Variants in VWA5B2 observed in about 807,000 individuals in gnomAD.
The protein encoded by VWA5B2 is von Willebrand factor A domain containing 5B2, also known as von Willebrand factor A domain-containing protein 5B2.
Under a neutral mutation model 118.5 loss-of-function variants are expected in VWA5B2, and 93 were observed. That is an observed-to-expected ratio of 0.79 (90% CI 0.66 to 0.93). The LOEUF (loss-of-function observed/expected upper bound fraction) is 0.93, where lower values mean the gene tolerates loss of function less well. Ranked by LOEUF, VWA5B2 falls within the 40% of genes least tolerant of loss-of-function variation. The pLI, the probability that VWA5B2 is intolerant of heterozygous loss-of-function variation, is 0.00. For missense variants in VWA5B2, 1,546 were observed against 1,672.8 expected (o/e 0.92, Z 1.32); for synonymous variants, 708 against 716.3 (o/e 0.99, Z 0.19).
At chr3:184,234,799 T>C in intron 7 of VWA5B2, 44 bp downstream of exon 7, 1 of 1,549,806 alleles carries the variant, frequency 6.5e-7, no homozygotes, top group Non-Finnish European at 8.7e-7. Context: ...CTTGGCTGCA[T>C]TTGTGCACAA....
rs1261363154 is a variant in VWA5B2 at position 184,238,384 on chromosome 3, A to G, written c.1801A>G (p.Thr601Ala). 1 of 1,550,572 alleles carries G rather than the reference A, an allele frequency of 6.4e-7. No individual in the cohort carries two copies. The highest frequency in any genetic ancestry group is 2.0e-5 in the Admixed American group (1 of 50,970). ...GGCCCCGTCTGCTGCCAGCCCTGGCACTGAGCCCACTGGCACCTCAGAGCC... is the reference window on the plus strand; with the variant it reads ...GGCCCCGTCTGCTGCCAGCCCTGGCGCTGAGCCCACTGGCACCTCAGAGCC... ...EEAPSAASPG[T>A]EPTGTSEPLG... The change falls in exon 13 of 20, where the codon ACT becomes GCT. Residue 601 changes from threonine to alanine, a missense_variant. Thr to Ala is a moderately conservative substitution (Grantham distance 58, BLOSUM62 0). This residue lies in a region of VWA5B2 where 775 missense variants were observed against 882.3 expected (regional missense o/e 0.88). Coordinates refer to ENST00000691901, the MANE Select transcript of VWA5B2 (RefSeq NM_001390846.1). The surrounding 1 kb of genome is among the most constrained non-coding windows in gnomAD (Gnocchi z 5.0).
intron 16 of VWA5B2, chr3:184,240,469 GAAGA>G: frequency 2.3e-6 from 1 of 431,966 alleles, no homozygotes; most frequent in Non-Finnish European, 4.1e-6. Context: ...ATTGGATCAT[GAAGA>G]GAGAGAACAT....
Position 184,233,321 on chromosome 3 carries a change from C to G in VWA5B2, c.454C>G (p.Leu152Val), listed in dbSNP as rs1717587981. ...SRPDGVLHVALPTVLTPLAPP... is the reference protein window; with the variant it reads ...SRPDGVLHVAVPTVLTPLAPP... Reference sequence around the variant, plus strand: ...GCCTGACGGGGTGCTGCATGTGGCCCTGCCCACTGTGCTCACCCCGCTGGC... The same window carrying G: ...GCCTGACGGGGTGCTGCATGTGGCCGTGCCCACTGTGCTCACCCCGCTGGC... Residue 152 changes from leucine to valine, a missense_variant, in exon 4 of 20, where the codon CTG (leucine) becomes GTG (valine). Physicochemically the swap from Leu to Val is conservative, Grantham distance 32 (BLOSUM62 1). This residue lies in a region of VWA5B2 where 775 missense variants were observed against 882.3 expected (regional missense o/e 0.88). Transcript: ENST00000691901. This position sits in a 1 kb window ranked among gnomAD's most constrained non-coding sequence, Gnocchi z 5.2. The G allele has an allele frequency of 3.9e-6, 6 of 1,537,596 alleles. No homozygotes were observed. Among genetic ancestry groups the G allele is most frequent in the Non-Finnish European group, 5.3e-6 (6 of 1,140,858 alleles).
At position 184,239,157 on chromosome 3, in the gene VWA5B2, G is replaced by A. The variant is rs1346070158; in HGVS notation, c.2203-237G>A. 1.3e-5 allele frequency among the ~76,000 whole-genome samples: 2 copies of A among 152,288 alleles called. No individual in the cohort carries two copies. The highest frequency in any genetic ancestry group is 1.9e-4 in the East Asian group (1 of 5,174). On this transcript the variant is annotated intron_variant, in intron 14 of 19. Transcript: ENST00000691901. The surrounding 1 kb of genome is among the most constrained non-coding windows in gnomAD (Gnocchi z 5.1). ...ATGCAGAGAGGGAGAAGACATAAAC[G>A]AAAATACAGAGACAAGCAACAACCA...
Position 184,238,757 on chromosome 3 carries a change from G to A in VWA5B2, c.2086G>A (p.Glu696Lys), listed in dbSNP as rs573085436. 161 of 1,550,734 alleles carry A rather than the reference G, an allele frequency of 1.0e-4. No homozygotes were observed. In the African/African-American group the frequency reaches 1.4e-3, roughly 14 times the overall value. Reference sequence around the variant, plus strand: ...AGGCTCACAGGGCCCTGGCTCCCCCGAAGGTAGTGCTCCCTTGGAGCCCCC... The same window carrying A: ...AGGCTCACAGGGCCCTGGCTCCCCCAAAGGTAGTGCTCCCTTGGAGCCCCC... ...SPGSQGPGSP[E>K]GSAPLEPPSQ... The change falls in exon 14 of 20, where the codon GAA (glutamate) becomes AAA (lysine). Residue 696 changes from glutamate to lysine, a missense_variant. Physicochemically the swap from Glu to Lys is moderately conservative, Grantham distance 56 (BLOSUM62 1). This residue lies in a region of VWA5B2 where 763 missense variants were observed against 766.6 expected (regional missense o/e 1.00). Transcript: ENST00000691901. This position sits in a 1 kb window ranked among gnomAD's most constrained non-coding sequence, Gnocchi z 5.0.
chr3:184,237,806 T>C lies in VWA5B2; in HGVS notation c.1719+395T>C, dbSNP rs1577092072. 2.0e-5 allele frequency among the ~76,000 whole-genome samples: 3 copies of C among 152,298 alleles called. No individual in the cohort carries two copies. The highest frequency in any genetic ancestry group is 2.0e-4 in the Admixed American group (3 of 15,288). ...CACGCAGTGATGGATGAGCATAACC[T>C]AGGCACAATCTCTAATCCCAGCTCT... On this transcript the variant is annotated intron_variant, in intron 12 of 19. Transcript: ENST00000691901. The surrounding 1 kb of genome is among the most constrained non-coding windows in gnomAD (Gnocchi z 5.6).
In VWA5B2 at chr3:184,233,276, AG is replaced by A; in HGVS notation, c.410del (p.Ser137ThrfsTer86). 1 of 1,545,638 alleles carries A rather than the reference AG, an allele frequency of 6.5e-7. No homozygotes were observed. The highest frequency in any genetic ancestry group is 8.7e-7 in the Non-Finnish European group (1 of 1,144,396). ...AGTMTVTLHS[S>X]RELPSRPDGV... ...CACCATGACGGTGACCCTGCACAGC[AG>A]CCGGGAGCTGCCCTCAAGGCCTGAC... On this transcript the variant is annotated frameshift_variant, in exon 4 of 20. Transcript: ENST00000691901. LOFTEE classifies it high-confidence loss of function. The surrounding 1 kb of genome is among the most constrained non-coding windows in gnomAD (Gnocchi z 5.2).
rs556303413 is a variant in VWA5B2, at chr3:184,233,758, C to G, written c.688+25C>G. The stretch of plus-strand genomic sequence containing the variant: ...GGTGGGTGCATCTGGCTGGCCTGCC[C>G]TCTTTTCAGATGCCCACTCCACCCA... On this transcript the variant is annotated intron_variant, in intron 5 of 19. Coordinates refer to ENST00000691901, the MANE Select transcript of VWA5B2 (RefSeq NM_001390846.1). This position sits in a 1 kb window ranked among gnomAD's most constrained non-coding sequence, Gnocchi z 5.2. The G allele has an allele frequency of 2.6e-6, 4 of 1,547,816 alleles. No individual in the cohort carries two copies. The highest frequency in any genetic ancestry group is 2.0e-5 in the Admixed American group (1 of 50,808).
chr3:184,234,713 T>C lies in VWA5B2; in HGVS notation c.903T>C (p.Asp301=), dbSNP rs1316228260. 1 of 1,551,174 alleles carries C rather than the reference T, an allele frequency of 6.4e-7. No homozygotes were observed. The change falls in exon 7 of 20, where the codon GAT becomes GAC. Residue 301 remains aspartate, a synonymous_variant. Transcript: ENST00000691901. ...AGGCCCGGGTGAGGGCCCGCCGAGA[T>C]TTTCAGAGGCTACAGCGAAGGGACA... ...EYEARVRARR[D]FQRLQRRDSD... is the part of the protein sequence containing the mutation.
intron 11 of VWA5B2, 139 bp downstream of exon 11, chr3:184,236,888 G>A (rs369663894): frequency 7.9e-6 from 6 of 763,770 alleles, no homozygotes; most frequent in African/African-American, 7.0e-5. Flanking sequence ...CCAATCAGGG[G>A]AAGAGCTGTT....
rs995326792 is a variant in VWA5B2, at chr3:184,237,175, C to T, written c.1534-51C>T. 3 of 1,530,034 alleles carry T rather than the reference C, an allele frequency of 2.0e-6. No homozygotes were observed. Among genetic ancestry groups the T allele is most frequent in the Non-Finnish European group, 2.6e-6 (3 of 1,133,298 alleles). The allele number at this position is 1,530,034 out of a possible 1,614,324, so 94.8% of individuals were successfully genotyped here. A position where few individuals can be genotyped will look rare whatever the true frequency, so the allele number is the denominator to read the frequency against. ...GGGCAGCCTTCCTGCTCTGTCTGGCCGTATGACACCTCTTTCCTTCCCATG... is the reference window on the plus strand; with the variant it reads ...GGGCAGCCTTCCTGCTCTGTCTGGCTGTATGACACCTCTTTCCTTCCCATG... On this transcript the variant is annotated intron_variant, in intron 11 of 19. Coordinates refer to ENST00000691901, the MANE Select transcript of VWA5B2 (RefSeq NM_001390846.1). This position sits in a 1 kb window ranked among gnomAD's most constrained non-coding sequence, Gnocchi z 5.6.
In VWA5B2 at chr3:184,236,259, T is replaced by G; in HGVS notation, c.1209T>G (p.Ser403Arg). The part of the protein sequence containing the change: ...QPLFPESRPC[S>R]DDAVQLICES... The stretch of plus-strand genomic sequence containing the variant: ...TCTTCCCAGAGAGCCGGCCTTGCAG[T>G]GATGTGAGTGTGGTCCAGGGATCTG... The change falls in exon 9 of 20, where the codon AGT (serine) becomes AGG (arginine). Residue 403 changes from serine to arginine, a missense_variant. Transcript: ENST00000691901. 1 of 1,551,746 alleles carries G rather than the reference T, an allele frequency of 6.4e-7. No individual in the cohort carries two copies. The highest frequency in any genetic ancestry group is 8.7e-7 in the Non-Finnish European group (1 of 1,146,992).
Position 184,230,456 on chromosome 3 carries a change from C to A in VWA5B2, c.-73C>A. 1 of 1,369,998 alleles carries A rather than the reference C, an allele frequency of 7.3e-7. No homozygotes were observed. Among genetic ancestry groups the A allele is most frequent in the Admixed American group, 3.9e-5 (1 of 25,840 alleles). 84.9% of individuals were successfully genotyped at this position (1,369,998 alleles called of 1,614,324 possible). The stretch of plus-strand genomic sequence containing the variant: ...GAGACTCTCGCGCTGGCCTCTGGAG[C>A]GCGGGGTGGGCGTCCCGTCACCCTG... On this transcript the variant is annotated 5_prime_UTR_variant, in exon 2 of 20. Transcript: ENST00000691901.
Position 184,238,182 on chromosome 3 carries a change from A to G in VWA5B2, c.1720-121A>G. On this transcript the variant is annotated intron_variant, in intron 12 of 19. Transcript: ENST00000691901. This position sits in a 1 kb window ranked among gnomAD's most constrained non-coding sequence, Gnocchi z 5.0. ...CATGTCTGCTTCCTCCTTCTTTAGT[A>G]CTGGTCTTTTGTTTCTGGTTTATTA... The G allele has an allele frequency of 1.2e-6, 1 of 810,398 alleles. No homozygotes were observed. The highest frequency in any genetic ancestry group is 1.9e-6 in the Non-Finnish European group (1 of 530,690). The allele number at this position is 810,398 out of a possible 1,614,324, so 50.2% of individuals were successfully genotyped here. A position where few individuals can be genotyped will look rare whatever the true frequency, so the allele number is the denominator to read the frequency against.
rs569258091 is a variant in VWA5B2 at position 184,237,294 on chromosome 3, C to T, written c.1602C>T (p.Pro534=). 86 of 1,551,612 alleles carry T rather than the reference C, an allele frequency of 5.5e-5. No individual in the cohort carries two copies. The East Asian group carries it at 8.3e-4, about 15-fold the overall frequency. ...ACATCTCTGTGGACTGGTTTGTGCC[C>T]GACACTGTGGAGGCACTGCTGACCC... ...LSDISVDWFV[P]DTVEALLTPR... Residue 534 remains proline, a synonymous_variant, in exon 12 of 20, where the codon CCC becomes CCT. Coordinates refer to ENST00000691901, the MANE Select transcript of VWA5B2 (RefSeq NM_001390846.1). This position sits in a 1 kb window ranked among gnomAD's most constrained non-coding sequence, Gnocchi z 5.6.
rs1488320744 is a variant in VWA5B2, at chr3:184,241,282, C to T, written c.3058C>T (p.Pro1020Ser). 1.3e-6 allele frequency: 2 copies of T among 1,551,248 alleles called. No individual in the cohort carries two copies. The highest frequency in any genetic ancestry group is 8.7e-7 in the Non-Finnish European group (1 of 1,146,996). Reference protein sequence around the residue: ...LGDPATPTEGPRRPPPRPPCR... With the variant: ...LGDPATPTEGSRRPPPRPPCR... ...GGACCCTGCCACTCCCACGGAAGGT[C>T]CTCGCCGCCCACCTCCCCGTCCTCC... Residue 1020 changes from proline to serine, a missense_variant, in exon 19 of 20, where the codon CCT becomes TCT. Pro to Ser is a moderately conservative substitution (Grantham distance 74, BLOSUM62 -1). This residue lies in a region of VWA5B2 where 763 missense variants were observed against 766.6 expected (regional missense o/e 1.00). Coordinates refer to ENST00000691901, the MANE Select transcript of VWA5B2 (RefSeq NM_001390846.1). The surrounding 1 kb of genome is among the most constrained non-coding windows in gnomAD (Gnocchi z 5.1).
In VWA5B2 at chr3:184,233,596, T is replaced by G. The variant is rs1577086939; in HGVS notation, c.551T>G (p.Val184Gly). ...CDDSPTSCFG[V>G]GSLQEEGLAW... Reference sequence around the variant, plus strand: ...TCCAGCCCCACCAGCTGCTTCGGGGTGGGCAGCCTTCAGGAGGAAGGGCTG... The same window carrying G: ...TCCAGCCCCACCAGCTGCTTCGGGGGGGGCAGCCTTCAGGAGGAAGGGCTG... The change falls in exon 5 of 20, where the codon GTG becomes GGG. Residue 184 changes from valine to glycine, a missense_variant. Physicochemically the swap from Val to Gly is moderately radical, Grantham distance 109 (BLOSUM62 -3). Transcript: ENST00000691901. The surrounding 1 kb of genome is among the most constrained non-coding windows in gnomAD (Gnocchi z 5.2). 1 of 1,550,676 alleles carries G rather than the reference T, an allele frequency of 6.4e-7. No individual in the cohort carries two copies. Among genetic ancestry groups the G allele is most frequent in the South Asian group, 1.2e-5 (1 of 83,982 alleles).
At chr3:184,234,892 C>A in intron 7 of VWA5B2, 137 bp downstream of exon 7, 1 of 1,340,290 alleles carries the variant, frequency 7.5e-7, no homozygotes, top group Non-Finnish European at 1.0e-6. Flanking sequence ...TGCCACCAAC[C>A]ATCACAGAGG....
rs1452705940 is a variant in VWA5B2, at chr3:184,241,735, T to C, written c.3426T>C (p.Ser1142=). ...SGSEGPGQVD[S]GRGSDTEASE... ...CTGAGGGGCCAGGCCAGGTGGACAG[T>C]GGGCGGGGCTCAGACACCGAGGCCT... Residue 1142 remains serine, a synonymous_variant, in exon 20 of 20, where the codon AGT becomes AGC. Coordinates refer to ENST00000691901, the MANE Select transcript of VWA5B2 (RefSeq NM_001390846.1). The surrounding 1 kb of genome is among the most constrained non-coding windows in gnomAD (Gnocchi z 5.1). 6.0e-6 allele frequency: 9 copies of C among 1,488,472 alleles called. No homozygotes were observed. Among genetic ancestry groups the C allele is most frequent in the Non-Finnish European group, 8.0e-6 (9 of 1,122,028 alleles). 92.2% of individuals were successfully genotyped at this position (1,488,472 alleles called of 1,614,324 possible).
Sources: allele counts gnomAD v4.1 joint callset (sites outside exome capture counted in the v4.1 genomes callset), GRCh38; gene constraint gnomAD v4.1.1; regional missense constraint gnomAD v4.1.1; non-coding constraint Gnocchi (gnomAD v3.1); transcripts MANE v1.5; gene names NCBI Gene and HGNC (gene_info 2026-07-23, HGNC 2026-07-21).